Variants in AP4M1 observed in about 807,000 individuals in gnomAD.
AP4M1 encodes the protein adaptor related protein complex 4 subunit mu 1, also known as AP-4 complex subunit mu-1.
AP4M1 carries 58 observed loss-of-function variants against 62.4 expected under a neutral mutation model. That is an observed-to-expected ratio of 0.93 (90% CI 0.75 to 1.16). The LOEUF (loss-of-function observed/expected upper bound fraction) is 1.16. Among genes scored for constraint, AP4M1 ranks in the 50% most tolerant of loss-of-function variants. The probability of loss-of-function intolerance (pLI) is 0.00; values close to 1 mark genes in which losing one functional copy is unlikely to be tolerated. For synonymous variants in AP4M1, 290 were observed against 239.7 expected, an observed-to-expected ratio of 1.21 and a Z score of -1.94; for missense variants, 626 against 585.4, an observed-to-expected ratio of 1.07 and a Z score of -0.72.
chr7:100,102,751 C>G lies in AP4M1; in HGVS notation c.224C>G (p.Ser75Cys). 1 of 1,614,206 alleles carries G rather than the reference C, an allele frequency of 6.2e-7. No homozygotes were observed. The highest frequency in any genetic ancestry group is 1.3e-5 in the African/African-American group (1 of 75,052). ...YLVVTTSENV[S>C]PFSLLELLSR... ...GTGGTCACAACTTCAGAAAACGTTT[C>G]TCCCTTCAGCCTCCTAGAACTGCTC... Residue 75 changes from serine (S) to cysteine (C), a missense_variant, in exon 3 of 15, where the codon TCT becomes TGT. Transcript: ENST00000359593.
intron 14 of AP4M1, 58 bp downstream of exon 14, chr7:100,106,572 C>CCCCCCCCCCCCA: frequency 1.3e-6 from 2 of 1,546,404 alleles, no homozygotes; most frequent in Non-Finnish European, 1.8e-6. Flanking sequence ...GCCCCCACCC[C>CCCCCCCCCCCCA]ACCCTCCCGA....
chr7:100,104,788 G>A (rs534088092), intron 7 of AP4M1, 86 bp from the exon 8 acceptor site: 336 of 1,490,968 alleles, frequency 2.3e-4, no homozygotes, highest in Non-Finnish European at 2.9e-4. Flanking sequence ...CCGAGATCAC[G>A]CCACTGCCAG....
In AP4M1 at chr7:100,101,711, G is replaced by C; in HGVS notation, c.-4G>C. 6.2e-7 allele frequency: 1 copy of C among 1,613,308 alleles called. No individual in the cohort carries two copies. The highest frequency in any genetic ancestry group is 8.5e-7 in the Non-Finnish European group (1 of 1,179,404). On this transcript the variant is annotated 5_prime_UTR_variant, in exon 1 of 15. Transcript: ENST00000359593. ...CGTCTTCTTGTCTACTCTCCAGAAC[G>C]GCCATGATTTCCCAATTCTTCATTC...
chr7:100,101,869 C>G lies in AP4M1; in HGVS notation c.59-11C>G. 1 of 1,612,950 alleles carries G rather than the reference C, an allele frequency of 6.2e-7. No individual in the cohort carries two copies. The highest frequency in any genetic ancestry group is 8.5e-7 in the Non-Finnish European group (1 of 1,179,878). ...TCGCAGGATCCTTCACTGAGTCCTTCCACCCGCCAGTCCGCGGGGACAGTG... is the reference window on the plus strand; with the variant it reads ...TCGCAGGATCCTTCACTGAGTCCTTGCACCCGCCAGTCCGCGGGGACAGTG... On this transcript the variant is annotated splice_polypyrimidine_tract_variant and intron_variant, in intron 1 of 14. Coordinates refer to ENST00000359593, the MANE Select transcript of AP4M1 (RefSeq NM_004722.4).
chr7:100,107,278 G>C lies in AP4M1; in HGVS notation c.*396G>C. ...GCAGGCTGAGGGGAGCCGGAGTTGG[G>C]CTGGGAGCCATTGGCTTTTGGAGTC... On this transcript the variant is annotated 3_prime_UTR_variant, in exon 15 of 15. Transcript: ENST00000359593. The C allele has an allele frequency of 6.6e-7, 1 of 1,524,280 alleles. No homozygotes were observed. Among genetic ancestry groups the C allele is most frequent in the Non-Finnish European group, 8.8e-7 (1 of 1,139,070 alleles). The allele number at this position is 1,524,280 out of a possible 1,614,324, so 94.4% of individuals were successfully genotyped here.
chr7:100,104,104 G>A lies in AP4M1; in HGVS notation c.556G>A (p.Glu186Lys). ...SSRSDQSQKN[E>K]VFLDVVERLS... ...CTCTCTTTCTCAGAGCCAAAAGAAT[G>A]AAGTTTTTTTGGATGTGGTCGAGAG... Residue 186 changes from glutamate to lysine, a missense_variant, in exon 7 of 15, where the codon GAA (glutamate) becomes AAA (lysine). Coordinates refer to ENST00000359593, the MANE Select transcript of AP4M1 (RefSeq NM_004722.4). 1 of 1,614,030 alleles carries A rather than the reference G, an allele frequency of 6.2e-7. No individual in the cohort carries two copies. Among genetic ancestry groups the A allele is most frequent in the Non-Finnish European group, 8.5e-7 (1 of 1,180,006 alleles).
In AP4M1 at chr7:100,108,877, A is replaced by G; in HGVS notation, c.*1995A>G. On this transcript the variant is annotated 3_prime_UTR_variant, in exon 15 of 15. Transcript: ENST00000359593. ...CATCTCCACTAAAAATACAAAAACT[A>G]GCCAGGCATGGTGGCACGCACCTGT... 5.1e-6 allele frequency: 1 copy of G among 197,456 alleles called. No homozygotes were observed. The highest frequency in any genetic ancestry group is 1.0e-5 in the Non-Finnish European group (1 of 96,506). The allele number at this position is 197,456 out of a possible 1,614,324, so 12.2% of individuals were successfully genotyped here. A position where few individuals can be genotyped will look rare whatever the true frequency, so the allele number is the denominator to read the frequency against.
At chr7:100,101,343 T>C, upstream of AP4M1, 2 of 1,611,284 alleles carry the variant, frequency 1.2e-6, no homozygotes, top group South Asian at 1.1e-5. Context: ...GAGGTCTTGC[T>C]CCTGGGGAAG....
upstream of AP4M1, chr7:100,101,411 G>A: frequency 7.1e-7 from 1 of 1,415,020 alleles, no homozygotes. Flanking sequence ...GCGAAACGTC[G>A]CCCCCCACGT....
rs769263643 is a variant in AP4M1, at chr7:100,102,905, A to AG, written c.300dup (p.Thr101AspfsTer15). 6.2e-7 allele frequency: 1 copy of AG among 1,613,996 alleles called. No individual in the cohort carries two copies. The highest frequency in any genetic ancestry group is 8.5e-7 in the Non-Finnish European group (1 of 1,180,004). On this transcript the variant is annotated frameshift_variant, in exon 4 of 15. Coordinates refer to ENST00000359593, the MANE Select transcript of AP4M1 (RefSeq NM_004722.4). LOFTEE classifies it high-confidence loss of function. The stretch of plus-strand genomic sequence containing the variant: ...GGCGATTACTGTGGCTCCCTGGGCG[A>AG]GGGGACCATCTCCCGCAATGTGGCT...
At chr7:100,105,624 T>C in intron 11 of AP4M1, 85 bp downstream of exon 11, 1 of 1,328,620 alleles carries the variant, frequency 7.5e-7, no homozygotes, top group Non-Finnish European at 1.1e-6. Context: ...AGAGTGGGGG[T>C]GGTGGTAGTG....
intron 13 of AP4M1, 53 bp from the exon 14 acceptor site, chr7:100,106,350 G>A (rs1179851526): frequency 1.1e-5 from 17 of 1,612,340 alleles, no homozygotes; most frequent in Admixed American, 5.0e-5. Context: ...TCAGCATGAC[G>A]GGTCTGCCTC....
chr7:100,105,784 GAAA>G (rs35827619), intron 11 of AP4M1, among the ~76,000 whole-genome samples, 172 bp from the exon 12 acceptor site: 2 of 145,492 alleles, frequency 1.4e-5, no homozygotes, highest in African/African-American at 2.5e-5. Context: ...CCATCTCTCT[GAAA>G]AAAAAAAAAA....
chr7:100,103,130 G>C lies in AP4M1; in HGVS notation c.351+170G>C, dbSNP rs1024098718. On this transcript the variant is annotated intron_variant, in intron 4 of 14. Transcript: ENST00000359593. ...TCTGTTGCCCAGGCTGGACTGCAGTGGTGCAGTTATAGCTCACTGCAGCCT... is the reference window on the plus strand; with the variant it reads ...TCTGTTGCCCAGGCTGGACTGCAGTCGTGCAGTTATAGCTCACTGCAGCCT... The C allele has an allele frequency of 9.9e-5, 67 of 679,146 alleles. 1 individual carries two copies. The highest frequency in any genetic ancestry group is 3.2e-4 in the Admixed American group (13 of 40,242). The allele number at this position is 679,146 out of a possible 1,614,324, so 42.1% of individuals were successfully genotyped here.
In AP4M1 at chr7:100,102,953, A is replaced by T. The variant is rs1796176305; in HGVS notation, c.344A>T (p.Glu115Val). 1.2e-6 allele frequency: 2 copies of T among 1,613,668 alleles called. No individual in the cohort carries two copies. The highest frequency in any genetic ancestry group is 1.7e-6 in the Non-Finnish European group (2 of 1,179,786). ...GCTCTGGTATACGAACTCCTGGATG[A>T]AGTGCTGGTGAGAATCAACAATCCC... The part of the protein sequence containing the change: ...NVALVYELLD[E>V]VLDYGYVQTT... Residue 115 changes from glutamate to valine, a missense_variant, in exon 4 of 15, where the codon GAA becomes GTA. By Grantham distance (121) the Glu-to-Val change is moderately radical. Transcript: ENST00000359593.
chr7:100,103,365 C>T, intron 4 of AP4M1, 44 bp from the exon 5 acceptor site: 1 of 1,549,870 alleles, frequency 6.5e-7, no homozygotes, highest in Non-Finnish European at 8.9e-7. Flanking sequence ...CTCTTTACCC[C>T]TTCCCTCCAC....
rs570256454 is a variant in AP4M1 at position 100,105,495 on chromosome 7, C to G, written c.885C>G (p.Pro295=). The change falls in exon 11 of 15, where the codon CCC becomes CCG. Residue 295 remains proline (P), a synonymous_variant. Transcript: ENST00000359593. The stretch of plus-strand genomic sequence containing the variant: ...CCGATGACCTCCCCTCACCGCTCCC[C>G]TTCCGGCTCTTCCCCTCTGTGCAGT... ...QLSDDLPSPL[P]FRLFPSVQWD... is the part of the protein sequence containing the mutation. 6.2e-7 allele frequency: 1 copy of G among 1,614,054 alleles called. No homozygotes were observed. Among genetic ancestry groups the G allele is most frequent in the African/African-American group, 1.3e-5 (1 of 75,052 alleles).
rs143687621 is a variant in AP4M1, at chr7:100,107,381, C to T, written c.*499C>T. ...CACTGCCGCTGAGTGGGGACGGGGA[C>T]GATGCCGGGGGAGGAACTGGAGAAG... is the stretch of plus-strand genomic sequence containing the variant. On this transcript the variant is annotated 3_prime_UTR_variant, in exon 15 of 15. Transcript: ENST00000359593. 1.9e-4 allele frequency: 300 copies of T among 1,590,914 alleles called. No individual in the cohort carries two copies. In the East Asian group the frequency reaches 3.1e-3, roughly 16 times the overall value.
rs4134923 is a variant in AP4M1, at chr7:100,108,680, A to G, written c.*1798A>G. 0.6 allele frequency: 562,896 copies of G among 937,188 alleles called. 169,087 individuals are homozygous for G. The highest frequency in any genetic ancestry group is 0.86 in the East Asian group (33,121 of 38,322). The allele number at this position is 937,188 out of a possible 1,614,324, so 58.1% of individuals were successfully genotyped here. A position where few individuals can be genotyped will look rare whatever the true frequency, so the allele number is the denominator to read the frequency against. ...CCTTATCATCTCAGTGCCCCTGTTG[A>G]AGGCCAAATTATGCTGAACTATTAG... On this transcript the variant is annotated 3_prime_UTR_variant, in exon 15 of 15. Coordinates refer to ENST00000359593, the MANE Select transcript of AP4M1 (RefSeq NM_004722.4).
Sources: gnomAD v4.1 joint callset for allele counts (sites outside exome capture counted in the v4.1 genomes callset) on GRCh38, gnomAD v4.1.1 for gene constraint, MANE v1.5 for transcripts, NCBI Gene and HGNC (gene_info 2026-07-23, HGNC 2026-07-21) for gene names.